SFMBT2: variants seen among roughly 807,000 people sequenced by gnomAD.
SFMBT2 encodes the protein scm-like with four MBT domains protein 2.
In SFMBT2, 38 loss-of-function variants were observed where a neutral mutation model predicts 110.1. The ratio of observed to expected loss-of-function variants is 0.35; its 90% CI spans 0.27 to 0.45. SFMBT2 has a LOEUF of 0.45. Ranked by LOEUF, SFMBT2 falls within the 20% of genes least tolerant of loss-of-function variation. The pLI is 1.00. For synonymous variants in SFMBT2, 425 were observed against 425.4 expected, an observed-to-expected ratio of 1.00 and a Z score of 0.01; for missense variants, 1,011 against 1,094.9, an observed-to-expected ratio of 0.92 and a Z score of 1.08.
intron 10 of SFMBT2, among the ~76,000 whole-genome samples, chr10:7,220,757 T>C (rs1839701325): frequency 6.6e-6 from 1 of 151,988 alleles, no homozygotes; most frequent in Non-Finnish European, 1.5e-5. Context: ...AGTAGGTGCC[T>C]AATACTATTT....
chr10:7,229,697 T>C (rs1385006764), intron 9 of SFMBT2, among the ~76,000 whole-genome samples: 1 of 150,346 alleles, frequency 6.7e-6, no homozygotes, highest in Non-Finnish European at 1.5e-5. Flanking sequence ...CAATAAGCAA[T>C]CTCAATATAT....
intron 4 of SFMBT2, among the ~76,000 whole-genome samples, chr10:7,306,470 T>C (rs1249368101): frequency 1.3e-5 from 2 of 152,194 alleles, no homozygotes; most frequent in Non-Finnish European, 1.5e-5. Context: ...AACAGTGAAC[T>C]GAGTAGCGGC....
At chr10:7,257,288 G>A (rs948033166) in intron 7 of SFMBT2, among the ~76,000 whole-genome samples, 5 of 152,094 alleles carry the variant, frequency 3.3e-5, no homozygotes, top group Admixed American at 6.5e-5. Context: ...ATCCCACAAC[G>A]TCAGAGCCTG....
At chr10:7,290,354 A>C (rs531826335) in intron 4 of SFMBT2, among the ~76,000 whole-genome samples, 5 of 152,076 alleles carry the variant, frequency 3.3e-5, no homozygotes, top group Non-Finnish European at 7.4e-5. Context: ...GCATTCCACT[A>C]CACCTTTTAA....
At chr10:7,365,141 G>T (rs777820679) in intron 4 of SFMBT2, among the ~76,000 whole-genome samples, 6 of 152,164 alleles carry the variant, frequency 3.9e-5, no homozygotes, top group South Asian at 2.1e-4. Context: ...TGTGCCTCCT[G>T]ACCCTGCGAT....
intron 11 of SFMBT2, among the ~76,000 whole-genome samples, chr10:7,218,112 C>A (rs533702200): frequency 3.9e-5 from 6 of 152,000 alleles, no homozygotes; most frequent in African/African-American, 1.5e-4. Context: ...ATTTAATGCA[C>A]GAAAATAACT....
At chr10:7,250,075 GTGATGATGTGCAT>G (rs1310985017) in intron 7 of SFMBT2, among the ~76,000 whole-genome samples, 8 of 152,190 alleles carry the variant, frequency 5.3e-5, no homozygotes, top group Non-Finnish European at 1.2e-4. Context: ...TTAGGTGCAG[GTGATGATGTGCAT>G]TGTTTATGTT....
chr10:7,321,391 T>C (rs1023045701), intron 4 of SFMBT2, among the ~76,000 whole-genome samples: 20 of 152,046 alleles, frequency 1.3e-4, no homozygotes, highest in African/African-American at 4.1e-4. Context: ...TTAGTAGAGA[T>C]GGGGTTTCAC....
intron 16 of SFMBT2, among the ~76,000 whole-genome samples, chr10:7,186,227 G>A (rs1167291882): frequency 6.6e-6 from 1 of 151,830 alleles, no homozygotes; most frequent in East Asian, 1.9e-4. Context: ...CTCTTAGGAG[G>A]TGGAAAAAAC....
intron 4 of SFMBT2, among the ~76,000 whole-genome samples, chr10:7,366,885 T>C (rs1291735398): frequency 6.6e-6 from 1 of 152,258 alleles, no homozygotes; most frequent in East Asian, 1.9e-4. Flanking sequence ...TAAATGGTAG[T>C]AGCAACTCCC....
intron 4 of SFMBT2, among the ~76,000 whole-genome samples, chr10:7,288,360 G>T (rs1412512977): frequency 6.6e-6 from 1 of 152,194 alleles, no homozygotes; most frequent in Non-Finnish European, 1.5e-5. Flanking sequence ...TCATCTGTTT[G>T]TCCACTTTTA....
At chr10:7,333,328 A>C (rs1434202243) in intron 4 of SFMBT2, among the ~76,000 whole-genome samples, 1 of 152,046 alleles carries the variant, frequency 6.6e-6, no homozygotes, top group Non-Finnish European at 1.5e-5. Context: ...GACACACCAT[A>C]ATGCCTGGCA....
At chr10:7,243,120 T>C (rs780778449) in intron 9 of SFMBT2, among the ~76,000 whole-genome samples, 11 of 152,196 alleles carry the variant, frequency 7.2e-5, no homozygotes, top group Non-Finnish European at 1.3e-4. Flanking sequence ...TATTATAGCA[T>C]CTAATTGTCG....
intron 1 of SFMBT2, among the ~76,000 whole-genome samples, chr10:7,389,405 C>T (rs567798783): frequency 2.4e-4 from 36 of 152,102 alleles, no homozygotes; most frequent in Admixed American, 1.0e-3. Context: ...TTAAGCTATA[C>T]GTAATTTCAA....
chr10:7,239,806 T>C (rs1840377090), intron 9 of SFMBT2, among the ~76,000 whole-genome samples: 1 of 152,110 alleles, frequency 6.6e-6, no homozygotes, highest in Admixed American at 6.6e-5. Context: ...TTACAAAACA[T>C]CAGCAAGACA....
chr10:7,348,780 C>T (rs1232166421), intron 4 of SFMBT2, among the ~76,000 whole-genome samples: 1 of 152,190 alleles, frequency 6.6e-6, no homozygotes, highest in African/African-American at 2.4e-5. Flanking sequence ...AGAAAGGCAA[C>T]TTCTCCAATA....
chr10:7,334,052 C>T (rs1226754323), intron 4 of SFMBT2, among the ~76,000 whole-genome samples: 2 of 152,184 alleles, frequency 1.3e-5, no homozygotes, highest in African/African-American at 2.4e-5. Context: ...ACACACACAC[C>T]GGATGTGCTA....
intron 11 of SFMBT2, among the ~76,000 whole-genome samples, chr10:7,213,398 C>T (rs1424090953): frequency 6.6e-6 from 1 of 152,012 alleles, no homozygotes; most frequent in Non-Finnish European, 1.5e-5. Flanking sequence ...GGGAGGAGGG[C>T]CTGAGTGCAA....
chr10:7,248,720 C>A, intron 7 of SFMBT2, 71 bp from the exon 8 acceptor site: 1 of 1,381,202 alleles, frequency 7.2e-7, no homozygotes, highest in Middle Eastern at 1.8e-4. Flanking sequence ...TCCGGATGCG[C>A]TCCTGGAGCA....
Sources: gnomAD v4.1 joint callset for allele counts (sites outside exome capture counted in the v4.1 genomes callset) on GRCh38, gnomAD v4.1.1 for gene constraint, MANE v1.5 for transcripts, NCBI Gene and HGNC (gene_info 2026-07-23, HGNC 2026-07-21) for gene names.